PEX5L: variants seen among roughly 807,000 people sequenced by gnomAD.
The protein encoded by PEX5L is peroxisomal biogenesis factor 5 like.
In PEX5L, 30 loss-of-function variants were observed where a neutral mutation model predicts 84.0. The ratio of observed to expected loss-of-function variants is 0.36; its 90% CI spans 0.27 to 0.48. The LOEUF is 0.48. PEX5L is among the 20% of genes least tolerant of loss of function. PEX5L has a pLI of 0.99. For synonymous variants in PEX5L, 270 were observed against 283.1 expected (o/e 0.95, Z 0.46); for missense variants, 533 against 754.6 (o/e 0.71, Z 3.44).
chr3:179,827,081 A>G (rs1319123478), intron 8 of PEX5L, among the ~76,000 whole-genome samples: 1 of 152,166 alleles, frequency 6.6e-6, no homozygotes, highest in Non-Finnish European at 1.5e-5. Flanking sequence ...CTTTTCTTTG[A>G]CAGTCGATTG....
At position 179,795,576 on chromosome 3, in the gene PEX5L, C is replaced by T. The variant is rs1162926019; in HGVS notation, c.*6252G>A. ...CAATCACTTTAAAATCCCCTCCCCC[C>T]CATTGCCATTAATTTACTATAGGTC... On this transcript the variant is annotated 3_prime_UTR_variant, in exon 15 of 15. Coordinates refer to ENST00000467460, the MANE Select transcript of PEX5L (RefSeq NM_016559.3). 1 of 152,050 alleles carries T rather than the reference C, an allele frequency of 6.6e-6. No homozygotes were observed. The highest frequency in any genetic ancestry group is 1.9e-4 in the East Asian group (1 of 5,174). The allele number at this position is 152,050 out of a possible 1,614,324, so 9.4% of individuals were successfully genotyped here. A position where few individuals can be genotyped will look rare whatever the true frequency, so the allele number is the denominator to read the frequency against.
At chr3:179,831,248 A>T (rs1024023141) in intron 8 of PEX5L, among the ~76,000 whole-genome samples, 5 of 149,852 alleles carry the variant, frequency 3.3e-5, no homozygotes, top group Admixed American at 6.7e-5. Flanking sequence ...CAGGAGGCAG[A>T]GGTTGCAGTG....
intron 3 of PEX5L, 32 bp from the exon 4 acceptor site, chr3:179,887,816 CT>C (rs1442725214): frequency 2.2e-6 from 3 of 1,381,966 alleles, no homozygotes; most frequent in Non-Finnish European, 3.1e-6. Context: ...TGTCAAAGGG[CT>C]TTGTTAAACT....
chr3:179,981,197 TGATCCAGACGAGGC>T (rs1579216953), intron 1 of PEX5L, among the ~76,000 whole-genome samples: 1 of 152,266 alleles, frequency 6.6e-6, no homozygotes, highest in East Asian at 1.9e-4. Flanking sequence ...TTGTGGGGGT[TGATCCAGACGAGGC>T]TGGAGAGGAA....
intron 2 of PEX5L, among the ~76,000 whole-genome samples, chr3:179,929,205 A>T (rs1432078509): frequency 6.6e-6 from 1 of 151,644 alleles, no homozygotes; most frequent in East Asian, 1.9e-4. Flanking sequence ...CTAGCCTCCC[A>T]AACAGTTAAA....
At chr3:179,994,118 C>T (rs1787633446) in intron 1 of PEX5L, among the ~76,000 whole-genome samples, 1 of 152,144 alleles carries the variant, frequency 6.6e-6, no homozygotes, top group Non-Finnish European at 1.5e-5. Flanking sequence ...TAATGGTGGA[C>T]ATTCAGGTTT....
At chr3:179,856,713 C>T (rs1003711401) in intron 8 of PEX5L, among the ~76,000 whole-genome samples, 3 of 152,196 alleles carry the variant, frequency 2.0e-5, no homozygotes, top group Non-Finnish European at 4.4e-5. Flanking sequence ...TTTCTCCACA[C>T]CTGTTCACAC....
rs1717233117 is a variant in PEX5L at position 179,797,019 on chromosome 3, T to C, written c.*4809A>G. 3 of 152,218 alleles carry C rather than the reference T, an allele frequency of 2.0e-5. No homozygotes were observed. The highest frequency in any genetic ancestry group is 2.0e-4 in the Admixed American group (3 of 15,284). The allele number at this position is 152,218 out of a possible 1,614,324, so 9.4% of individuals were successfully genotyped here. On this transcript the variant is annotated 3_prime_UTR_variant, in exon 15 of 15. Coordinates refer to ENST00000467460, the MANE Select transcript of PEX5L (RefSeq NM_016559.3). ...CAACCTCCTCGCCTTATTTAGAATA[T>C]CAGTTTTTCTAATTTATTCCCAAAC...
At chr3:179,815,764 T>G in intron 10 of PEX5L, 97 bp downstream of exon 10, 3 of 1,350,486 alleles carry the variant, frequency 2.2e-6, no homozygotes, top group Non-Finnish European at 3.1e-6. Flanking sequence ...TGGGAACCTT[T>G]ACTTGATGAA....
At position 179,835,605 on chromosome 3, in the gene PEX5L, T is replaced by C. The variant is rs572833556; in HGVS notation, c.823-15629A>G. ...ATTGCTGACTCAAGAGAAATGTGAA[T>C]TGAAGGTCATAGTTGCATCTAAAGT... On this transcript the variant is annotated intron_variant, in intron 8 of 14. Coordinates refer to ENST00000467460, the MANE Select transcript of PEX5L (RefSeq NM_016559.3). 9.8e-5 allele frequency among the ~76,000 whole-genome samples: 15 copies of C among 152,328 alleles called. No individual in the cohort carries two copies. In the South Asian group the frequency reaches 2.9e-3, roughly 29 times the overall value.
At chr3:179,836,865 G>C (rs1735153518) in intron 8 of PEX5L, among the ~76,000 whole-genome samples, 1 of 152,112 alleles carries the variant, frequency 6.6e-6, no homozygotes, top group Non-Finnish European at 1.5e-5. Flanking sequence ...AAAAATGCCA[G>C]CAAAGCAGAC....
At chr3:179,882,557 C>T (rs1754476541) in intron 4 of PEX5L, among the ~76,000 whole-genome samples, 1 of 152,140 alleles carries the variant, frequency 6.6e-6, no homozygotes, top group Non-Finnish European at 1.5e-5. Context: ...CTGCAGAGTA[C>T]GTTTTCAAAA....
rs567188592 is a variant in PEX5L at position 180,027,463 on chromosome 3, T to A, written c.21+9116A>T. Among the ~76,000 whole-genome samples, 4 of 152,362 alleles carry A rather than the reference T, an allele frequency of 2.6e-5. No individual in the cohort carries two copies. The South Asian group carries it at 8.3e-4, about 32-fold the overall frequency. ...ATATTTTGCTGTATTGCTTTATCAT[T>A]ATCTTTCATTCCTTCTCCCTCCCTC... On this transcript the variant is annotated intron_variant, in intron 1 of 14. Coordinates refer to ENST00000467460, the MANE Select transcript of PEX5L (RefSeq NM_016559.3).
chr3:179,958,343 A>G (rs532475664), intron 2 of PEX5L, among the ~76,000 whole-genome samples: 4 of 152,294 alleles, frequency 2.6e-5, no homozygotes, highest in Middle Eastern at 3.4e-3. Context: ...TGTAGAGAGC[A>G]TAGCCTTCTG....
At chr3:180,013,618 C>T (rs1007082383) in intron 1 of PEX5L, among the ~76,000 whole-genome samples, 1 of 152,050 alleles carries the variant, frequency 6.6e-6, no homozygotes, top group Non-Finnish European at 1.5e-5. Flanking sequence ...GATGGCATTG[C>T]CAGAGAGGAC....
At chr3:179,875,739 T>C (rs1450247530) in intron 5 of PEX5L, among the ~76,000 whole-genome samples, 1 of 152,246 alleles carries the variant, frequency 6.6e-6, no homozygotes, top group Non-Finnish European at 1.5e-5. Flanking sequence ...GCATTGCTTT[T>C]ACAGTTAAAG....
Position 179,938,597 on chromosome 3 carries a change from A to T in PEX5L, c.93+32997T>A, listed in dbSNP as rs116565115. 7.4e-3 allele frequency among the ~76,000 whole-genome samples: 1,129 copies of T among 152,352 alleles called. 6 individuals carry two copies. Among genetic ancestry groups the T allele is most frequent in the South Asian group, 0.018 (85 of 4,828 alleles). On this transcript the variant is annotated intron_variant, in intron 2 of 14. Transcript: ENST00000467460. Reference sequence around the variant, plus strand: ...CATTAACTTATCCACACAAAATAAGAGTTTACGGGAAAAATATCACAGAGG... The same window carrying T: ...CATTAACTTATCCACACAAAATAAGTGTTTACGGGAAAAATATCACAGAGG...
intron 1 of PEX5L, among the ~76,000 whole-genome samples, chr3:180,004,474 C>T (rs1788695657): frequency 1.3e-5 from 2 of 152,114 alleles, no homozygotes. Flanking sequence ...AAAAAATGTC[C>T]AAACAGCTGG....
intron 1 of PEX5L, among the ~76,000 whole-genome samples, chr3:179,989,859 T>C (rs1452638856): frequency 1.3e-5 from 2 of 152,202 alleles, no homozygotes; most frequent in African/African-American, 4.8e-5. Context: ...TGTGTATCAA[T>C]ATAGAGGTGC....
Sources: allele counts gnomAD v4.1 joint callset (sites outside exome capture counted in the v4.1 genomes callset), GRCh38; gene constraint gnomAD v4.1.1; transcripts MANE v1.5; gene names NCBI Gene and HGNC (gene_info 2026-07-23, HGNC 2026-07-21).